FHOD1: variants seen among roughly 807,000 people sequenced by gnomAD.
FHOD1 encodes formin homology 2 domain containing 1, also known as FH1/FH2 domain-containing protein 1.
FHOD1 carries 89 observed loss-of-function variants against 111.6 expected under a neutral mutation model. The ratio of observed to expected loss-of-function variants is 0.80; its 90% CI spans 0.67 to 0.95. FHOD1 has a LOEUF of 0.95. FHOD1 is among the 40% of genes least tolerant of loss of function. The probability of loss-of-function intolerance (pLI) is 0.00; values close to 1 mark genes in which losing one functional copy is unlikely to be tolerated. For missense variants in FHOD1, 1,446 were observed against 1,554.2 expected, an observed-to-expected ratio of 0.93 and a Z score of 1.17; for synonymous variants, 618 against 639.0, an observed-to-expected ratio of 0.97 and a Z score of 0.50.
chr16:67,231,571 T>C lies in FHOD1; in HGVS notation c.2386-22A>G. The C allele has an allele frequency of 6.2e-7, 1 of 1,614,134 alleles. No individual in the cohort carries two copies. The highest frequency in any genetic ancestry group is 8.5e-7 in the Non-Finnish European group (1 of 1,179,990). On this transcript the variant is annotated intron_variant, in intron 15 of 21. Transcript: ENST00000258201. The surrounding 1 kb of genome is among the most constrained non-coding windows in gnomAD (Gnocchi z 4.3). ...TTTCCTGGTATGGGAGACCAGGGAC[T>C]CTCAGACTACATGGTCATGATGCTT...
intron 1 of FHOD1, among the ~76,000 whole-genome samples, chr16:67,242,803 C>T (rs1422242684): frequency 6.6e-6 from 1 of 152,130 alleles, no homozygotes; most frequent in East Asian, 1.9e-4. Flanking sequence ...CAGCCCAAAA[C>T]CAACTGGTTA....
intron 1 of FHOD1, among the ~76,000 whole-genome samples, chr16:67,243,339 C>T (rs1160524874): frequency 6.6e-6 from 1 of 151,776 alleles, no homozygotes; most frequent in Non-Finnish European, 1.5e-5. Context: ...TTATCTTATG[C>T]TTCCTCTGTG....
chr16:67,230,187 G>C lies in FHOD1; in HGVS notation c.3093C>G (p.Asn1031Lys). 1 of 1,613,978 alleles carries C rather than the reference G, an allele frequency of 6.2e-7. No individual in the cohort carries two copies. The highest frequency in any genetic ancestry group is 1.1e-5 in the South Asian group (1 of 91,092). ...FSGVAGEAPS[N>K]PSVPVAVSSG... The stretch of plus-strand genomic sequence containing the variant: ...TGCTCACTGCTACTGGGACAGAGGG[G>C]TTGCTGGGGGCTTCCCCAGCCACAC... Residue 1031 changes from asparagine (N) to lysine (K), a missense_variant, in exon 20 of 22, where the codon AAC becomes AAG. By Grantham distance (94) the Asn-to-Lys change is moderately conservative. Transcript: ENST00000258201.
chr16:67,239,572 C>T, intron 1 of FHOD1, 118 bp from the exon 2 acceptor site: 1 of 722,170 alleles, frequency 1.4e-6, no homozygotes, highest in Non-Finnish European at 2.5e-6. Flanking sequence ...GTCTGCACTA[C>T]AGCTGTGCAT....
At chr16:67,230,263 A>T (rs1393909987) in intron 19 of FHOD1, 35 bp from the exon 20 acceptor site, 1 of 1,613,348 alleles carries the variant, frequency 6.2e-7, no homozygotes, top group Non-Finnish European at 8.5e-7. Flanking sequence ...GGGAGGAGCG[A>T]AGGAAACCAA....
At position 67,231,541 on chromosome 16, in the gene FHOD1, A is replaced by G. The variant is rs768776568; in HGVS notation, c.2394T>C (p.Ala798=). Residue 798 remains alanine, a synonymous_variant, in exon 16 of 22, where the codon GCT becomes GCC. Transcript: ENST00000258201. This position sits in a 1 kb window ranked among gnomAD's most constrained non-coding sequence, Gnocchi z 4.3. ...CCACTTTCAGGTCAAACAGTGGCTC[A>G]GCAATTTCCTGGTATGGGAGACCAG... is the stretch of plus-strand genomic sequence containing the variant. ...LDYDSMEREI[A]EPLFDLKVGM... The G allele has an allele frequency of 7.4e-6, 12 of 1,614,194 alleles. No homozygotes were observed. The South Asian group carries it at 1.2e-4, about 16-fold the overall frequency.
At position 67,229,787 on chromosome 16, in the gene FHOD1, AC is replaced by A. The variant is rs778956538; in HGVS notation, c.3412+5del. 1.9e-6 allele frequency: 3 copies of A among 1,614,192 alleles called. No individual in the cohort carries two copies. The highest frequency in any genetic ancestry group is 2.5e-6 in the Non-Finnish European group (3 of 1,180,020). On this transcript the variant is annotated splice_donor_5th_base_variant and intron_variant, in intron 21 of 21. Transcript: ENST00000258201. The stretch of plus-strand genomic sequence containing the variant: ...GTGGGCAGTGGGATTGTGGGGGGTT[AC>A]TTACAAGACTTGCGGTTGCCGCGGG...
rs1020501393 is a variant in FHOD1 at position 67,247,198 on chromosome 16, G to A, written c.201+12C>T. ...CCCCCGATCGCCCCAACCTTTCTCCGGCCTCCCTCACCTTGAGCGGCGCTC... is the reference window on the plus strand; with the variant it reads ...CCCCCGATCGCCCCAACCTTTCTCCAGCCTCCCTCACCTTGAGCGGCGCTC... On this transcript the variant is annotated intron_variant, in intron 1 of 21. Coordinates refer to ENST00000258201, the MANE Select transcript of FHOD1 (RefSeq NM_013241.3). The A allele has an allele frequency of 2.0e-6, 3 of 1,536,450 alleles. No homozygotes were observed. The highest frequency in any genetic ancestry group is 1.2e-5 in the South Asian group (1 of 82,418).
Position 67,234,000 on chromosome 16 carries a change from TC to T in FHOD1, c.1702del (p.Asp568ThrfsTer60), listed in dbSNP as rs1401380737. On this transcript the variant is annotated frameshift_variant, in exon 13 of 22. Transcript: ENST00000258201. LOFTEE classifies it high-confidence loss of function. ...LNVESVEAGK[D>X]IPAPSPPLPL... ...CAGTGGGGGTGAGGGAGCTGGGATG[TC>T]TTTCCCAGCCTCCACAGACTCTACA... The T allele has an allele frequency of 6.2e-7, 1 of 1,612,932 alleles. No homozygotes were observed. The highest frequency in any genetic ancestry group is 2.2e-5 in the East Asian group (1 of 44,856).
intron 1 of FHOD1, among the ~76,000 whole-genome samples, chr16:67,245,528 T>C: frequency 6.6e-6 from 1 of 152,118 alleles, no homozygotes; most frequent in East Asian, 1.9e-4. Flanking sequence ...GCAGATCACC[T>C]GAGGTCAGGA....
rs1330516913 is a variant in FHOD1 at position 67,237,080 on chromosome 16, T to C, written c.1028A>G (p.Glu343Gly). ...CCGCCGCCCACCAGCGCCTGGGGCTTCTTCGATGTCTCCATCCTCCAATTT... is the reference window on the plus strand; with the variant it reads ...CCGCCGCCCACCAGCGCCTGGGGCTCCTTCGATGTCTCCATCCTCCAATTT... ...ALKLEDGDIE[E>G]APGAGGRRER... Residue 343 changes from glutamate to glycine, a missense_variant, in exon 10 of 22, where the codon GAA becomes GGA. Physicochemically the swap from Glu to Gly is moderately conservative, Grantham distance 98. Coordinates refer to ENST00000258201, the MANE Select transcript of FHOD1 (RefSeq NM_013241.3). This position sits in a 1 kb window ranked among gnomAD's most constrained non-coding sequence, Gnocchi z 5.6. 4 of 1,612,838 alleles carry C rather than the reference T, an allele frequency of 2.5e-6. No homozygotes were observed. Among genetic ancestry groups the C allele is most frequent in the South Asian group, 1.1e-5 (1 of 90,942 alleles).
rs1460199012 is a variant in FHOD1 at position 67,247,193 on chromosome 16, T to C, written c.201+17A>G. ...CTGAACCCCCGATCGCCCCAACCTT[T>C]CTCCGGCCTCCCTCACCTTGAGCGG... On this transcript the variant is annotated intron_variant, in intron 1 of 21. Transcript: ENST00000258201. 1 of 1,527,762 alleles carries C rather than the reference T, an allele frequency of 6.5e-7. No individual in the cohort carries two copies. The highest frequency in any genetic ancestry group is 1.4e-5 in the African/African-American group (1 of 72,210). 94.6% of individuals were successfully genotyped at this position (1,527,762 alleles called of 1,614,324 possible). A position where few individuals can be genotyped will look rare whatever the true frequency, so the allele number is the denominator to read the frequency against.
At chr16:67,235,394 C>T (rs2034439177) in intron 11 of FHOD1, among the ~76,000 whole-genome samples, 1 of 151,952 alleles carries the variant, frequency 6.6e-6, no homozygotes, top group Non-Finnish European at 1.5e-5. Context: ...CCCAGGTATC[C>T]TGGTGCAGGC....
At chr16:67,244,180 G>A (rs957105102) in intron 1 of FHOD1, among the ~76,000 whole-genome samples, 5 of 152,090 alleles carry the variant, frequency 3.3e-5, no homozygotes, top group African/African-American at 1.2e-4. Flanking sequence ...TTTGCAGCAG[G>A]GTCAGAGAAG....
intron 11 of FHOD1, among the ~76,000 whole-genome samples, chr16:67,235,651 T>C (rs2034449861): frequency 6.6e-6 from 1 of 151,944 alleles, no homozygotes; most frequent in South Asian, 2.1e-4. Context: ...CAGCTCTCAG[T>C]CCCTGCCTTT....
chr16:67,232,235 G>A, intron 13 of FHOD1, 41 bp from the exon 14 acceptor site: 1 of 1,608,016 alleles, frequency 6.2e-7, no homozygotes, highest in Non-Finnish European at 8.5e-7. Context: ...CTGAGGAAGG[G>A]GGCCTGACGC....
At position 67,229,647 on chromosome 16, in the gene FHOD1, G is replaced by A; in HGVS notation, c.3484C>T (p.Leu1162=). The A allele has an allele frequency of 6.2e-7, 1 of 1,614,108 alleles. No individual in the cohort carries two copies. The part of the protein sequence containing the change: ...QALGLSKGPG[L]EV ...GGGATACAGCACCTTCACACCTCCAGGCCAGGACCCTTGCTTAGTCCCAGT... is the reference window on the plus strand; with the variant it reads ...GGGATACAGCACCTTCACACCTCCAAGCCAGGACCCTTGCTTAGTCCCAGT... Residue 1162 remains leucine (L), a synonymous_variant, in exon 22 of 22, where the codon CTG becomes TTG. Transcript: ENST00000258201.
intron 1 of FHOD1, 46 bp from the exon 2 acceptor site, chr16:67,239,500 G>A (rs763775114): frequency 6.9e-7 from 1 of 1,444,930 alleles, no homozygotes; most frequent in Non-Finnish European, 9.7e-7. Flanking sequence ...GAGGTGGCAG[G>A]CGAATGTATG....
At chr16:67,235,554 A>C (rs1028056212) in intron 11 of FHOD1, among the ~76,000 whole-genome samples, 13 of 151,708 alleles carry the variant, frequency 8.6e-5, no homozygotes, top group South Asian at 2.1e-4. Context: ...CAAAAAAAAA[A>C]CGGATGTGGT....
Sources: allele counts gnomAD v4.1 joint callset (sites outside exome capture counted in the v4.1 genomes callset), GRCh38; gene constraint gnomAD v4.1.1; non-coding constraint Gnocchi (gnomAD v3.1); transcripts MANE v1.5; gene names NCBI Gene and HGNC (gene_info 2026-07-23, HGNC 2026-07-21).